Variants in CD96 observed in about 807,000 individuals in gnomAD.
CD96 encodes the protein CD96 molecule, also known as T-cell surface protein tactile.
In CD96, 70 loss-of-function variants were observed where a neutral mutation model predicts 71.3. The observed-to-expected ratio is 0.98, with a 90% confidence interval of 0.81 to 1.20. CD96 has a LOEUF of 1.20. Ranked by LOEUF, CD96 falls within the 50% of genes most tolerant of loss-of-function variation. CD96 has a pLI of 0.00. For missense variants in CD96, 742 were observed against 677.5 expected, an observed-to-expected ratio of 1.10 and a Z score of -1.06; for synonymous variants, 248 against 233.0, an observed-to-expected ratio of 1.06 and a Z score of -0.59.
At chr3:111,543,787 T>A (rs2107452708) in intron 1 of CD96, among the ~76,000 whole-genome samples, 1 of 152,262 alleles carries the variant, frequency 6.6e-6, no homozygotes, top group South Asian at 2.1e-4. Flanking sequence ...CCTTACCCCA[T>A]CTCTGTCTAG....
intron 3 of CD96, 50 bp from the exon 4 acceptor site, chr3:111,578,977 G>C (rs1256161786): frequency 2.2e-6 from 2 of 905,788 alleles, no homozygotes; most frequent in African/African-American, 1.6e-5. Flanking sequence ...GCCTAGTTCA[G>C]AGCTGGCACA....
chr3:111,548,266 T>G (rs1934515410), intron 2 of CD96, among the ~76,000 whole-genome samples: 1 of 152,210 alleles, frequency 6.6e-6, no homozygotes, highest in African/African-American at 2.4e-5. Context: ...CTCTCTTGTC[T>G]GCTCACAACA....
At chr3:111,629,969 A>G (rs1938975899) in intron 10 of CD96, among the ~76,000 whole-genome samples, 1 of 152,256 alleles carries the variant, frequency 6.6e-6, no homozygotes, top group Non-Finnish European at 1.5e-5. Flanking sequence ...GAAACCAAGA[A>G]CAACAATACA....
chr3:111,661,584 A>G (rs1940360447), intron 14 of CD96, among the ~76,000 whole-genome samples: 1 of 152,216 alleles, frequency 6.6e-6, no homozygotes, highest in African/African-American at 2.4e-5. Context: ...TGAAAGGGAG[A>G]AATTGGCCAA....
At position 111,626,303 on chromosome 3, in the gene CD96, T is replaced by C. The variant is rs577741983; in HGVS notation, c.1321+1899T>C. On this transcript the variant is annotated intron_variant, in intron 10 of 13. Coordinates refer to ENST00000352690, the MANE Select transcript of CD96 (RefSeq NM_005816.5). ...GCCTGGGTGACAGAGTAAGACTCCG[T>C]CTCAAAAAAAAAAAAAAAAAAAAAA... 3.3e-4 allele frequency among the ~76,000 whole-genome samples: 15 copies of C among 45,664 alleles called. No homozygotes were observed. The East Asian group carries it at 5.6e-3, about 17-fold the overall frequency. 30.0% of individuals were successfully genotyped at this position (45,664 alleles called of 152,430 possible).
chr3:111,600,890 T>A lies in CD96; in HGVS notation c.1063T>A (p.Ser355Thr). The A allele has an allele frequency of 2.5e-6, 4 of 1,611,278 alleles. No homozygotes were observed. Among genetic ancestry groups the A allele is most frequent in the Non-Finnish European group, 2.5e-6 (3 of 1,177,506 alleles). The change falls in exon 7 of 14, where the codon TCA (serine) becomes ACA (threonine). Residue 355 changes from serine (S) to threonine (T), a missense_variant. Coordinates refer to ENST00000352690, the MANE Select transcript of CD96 (RefSeq NM_005816.5). ...VPGNKVWNISSEKITFLLGSE... is the reference protein window; with the variant it reads ...VPGNKVWNISTEKITFLLGSE... ...AGGAAATAAAGTGTGGAACATCTCA[T>A]CAGAAAAGATCACTTTTCTCTTAGG... is the stretch of plus-strand genomic sequence containing the variant.
chr3:111,620,662 G>C (rs188109066), intron 8 of CD96, among the ~76,000 whole-genome samples: 6,018 of 152,278 alleles, frequency 0.04, 169 homozygotes, highest in Middle Eastern at 0.068. Context: ...TGGGGAAAGA[G>C]ACTAGGAGAC....
chr3:111,554,534 G>A (rs772508980), intron 2 of CD96, among the ~76,000 whole-genome samples: 10 of 151,818 alleles, frequency 6.6e-5, no homozygotes, highest in East Asian at 3.9e-4. Context: ...TTGCTCCACC[G>A]TATCTCCTCT....
At chr3:111,635,918 T>C (rs1018960899) in intron 10 of CD96, among the ~76,000 whole-genome samples, 17 of 152,176 alleles carry the variant, frequency 1.1e-4, no homozygotes, top group African/African-American at 4.1e-4. Context: ...TTCTTCATAA[T>C]TTTACCTAAA....
At chr3:111,616,031 T>G (rs1362046169) in intron 8 of CD96, among the ~76,000 whole-genome samples, 4 of 152,166 alleles carry the variant, frequency 2.6e-5, no homozygotes, top group Admixed American at 2.6e-4. Context: ...GATGAGGTAC[T>G]CCATGACCAT....
intron 14 of CD96, among the ~76,000 whole-genome samples, chr3:111,661,899 C>T (rs987272776): frequency 6.6e-6 from 1 of 152,208 alleles, no homozygotes; most frequent in Non-Finnish European, 1.5e-5. Context: ...TAGGCAGTGC[C>T]CCAGTGGGGA....
chr3:111,568,063 C>T (rs967982457), intron 3 of CD96, among the ~76,000 whole-genome samples: 26 of 152,046 alleles, frequency 1.7e-4, no homozygotes, highest in African/African-American at 6.0e-4. Context: ...GGGAAATATC[C>T]AACATTGGGT....
At chr3:111,644,463 C>A (rs6787870) in intron 12 of CD96, among the ~76,000 whole-genome samples, 39,230 of 151,614 alleles carry the variant, frequency 0.26, 6,021 homozygotes, top group African/African-American at 0.44. Flanking sequence ...AAATAGCAAG[C>A]ACCCAAAAGC....
chr3:111,625,891 T>C (rs984892431), intron 10 of CD96, among the ~76,000 whole-genome samples: 7 of 152,118 alleles, frequency 4.6e-5, no homozygotes. Flanking sequence ...TGACTAAGGA[T>C]CAAAATTTTA....
At chr3:111,551,403 C>T (rs1468627476) in intron 2 of CD96, among the ~76,000 whole-genome samples, 2 of 152,102 alleles carry the variant, frequency 1.3e-5, no homozygotes, top group African/African-American at 4.8e-5. Context: ...TACATAAAAA[C>T]ATTTTCAAAG....
chr3:111,552,242 A>G (rs771332217), intron 2 of CD96, among the ~76,000 whole-genome samples: 2 of 152,026 alleles, frequency 1.3e-5, no homozygotes, highest in African/African-American at 2.4e-5. Flanking sequence ...CTCTCCTGGA[A>G]AAGATTTGTG....
intron 2 of CD96, among the ~76,000 whole-genome samples, chr3:111,553,264 T>C (rs918855722): frequency 2.0e-5 from 3 of 151,960 alleles, no homozygotes; most frequent in African/African-American, 7.2e-5. Flanking sequence ...ACATTTGTTA[T>C]TTTTCCTTTG....
chr3:111,626,891 T>C (rs2107721267), intron 10 of CD96, among the ~76,000 whole-genome samples: 1 of 152,308 alleles, frequency 6.6e-6, no homozygotes, highest in Non-Finnish European at 1.5e-5. Context: ...ACCATATGCC[T>C]TAGACGTAAT....
chr3:111,587,149 A>G lies in CD96; in HGVS notation c.807+1771A>G, dbSNP rs146941511. Among the ~76,000 whole-genome samples, 287 of 152,320 alleles carry G rather than the reference A, an allele frequency of 1.9e-3. 1 individual carries two copies. Among genetic ancestry groups the G allele is most frequent in the African/African-American group, 6.4e-3 (267 of 41,570 alleles). On this transcript the variant is annotated intron_variant, in intron 5 of 13. Coordinates refer to ENST00000352690, the MANE Select transcript of CD96 (RefSeq NM_005816.5). ...GGCAGTCAAATCTTAAGGCTCCAAA[A>G]TGATCTCCTTTGACTCCAAGACTCA...
Sources: gnomAD v4.1 joint callset for allele counts (sites outside exome capture counted in the v4.1 genomes callset) on GRCh38, gnomAD v4.1.1 for gene constraint, MANE v1.5 for transcripts, NCBI Gene and HGNC (gene_info 2026-07-23, HGNC 2026-07-21) for gene names.